The following RAPGEF6 variants were observed in gnomAD, a reference collection of about 807,000 sequenced individuals.
RAPGEF6 encodes PDZ domain containing guanine nucleotide exchange factor (GEF) 2.
Under a neutral mutation model 171.4 loss-of-function variants are expected in RAPGEF6, and 56 were observed. That is an observed-to-expected ratio of 0.33 (90% CI 0.26 to 0.41). The LOEUF (loss-of-function observed/expected upper bound fraction) is 0.41, where lower values mean the gene tolerates loss of function less well. Among genes scored for constraint, RAPGEF6 ranks in the 10% least tolerant of loss-of-function variants. The pLI, the probability that RAPGEF6 is intolerant of heterozygous loss-of-function variation, is 1.00. For missense variants in RAPGEF6, 1,674 were observed against 1,921.4 expected, an observed-to-expected ratio of 0.87 and a Z score of 2.41; for synonymous variants, 692 against 650.1, an observed-to-expected ratio of 1.06 and a Z score of -0.98.
intron 4 of RAPGEF6, among the ~76,000 whole-genome samples, chr5:131,571,335 AAAAG>A (rs1762269151): frequency 6.6e-6 from 1 of 152,210 alleles, no homozygotes; most frequent in African/African-American, 2.4e-5. Flanking sequence ...ACAACAAGGA[AAAAG>A]AAATAAAAGG....
intron 15 of RAPGEF6, among the ~76,000 whole-genome samples, chr5:131,480,912 C>T (rs1436890178): frequency 6.6e-6 from 1 of 151,412 alleles, no homozygotes; most frequent in African/African-American, 2.4e-5. Flanking sequence ...AACAACCAAT[C>T]ATATCTTAGA....
intron 4 of RAPGEF6, among the ~76,000 whole-genome samples, chr5:131,571,143 C>T (rs1216784386): frequency 6.6e-6 from 1 of 151,914 alleles, no homozygotes; most frequent in Admixed American, 6.6e-5. Flanking sequence ...GATTTCACCA[C>T]GTTGGCCAGG....
At chr5:131,480,901 T>C (rs1755430193) in intron 15 of RAPGEF6, among the ~76,000 whole-genome samples, 1 of 151,796 alleles carries the variant, frequency 6.6e-6, no homozygotes, top group African/African-American at 2.4e-5. Context: ...TAAAAACAAG[T>C]AACAACCAAT....
At chr5:131,584,778 T>A (rs886319609) in intron 4 of RAPGEF6, among the ~76,000 whole-genome samples, 1 of 152,146 alleles carries the variant, frequency 6.6e-6, no homozygotes, top group Non-Finnish European at 1.5e-5. Context: ...CACCAAACTA[T>A]CCTTAAAAAA....
At chr5:131,567,937 C>A (rs147685173) in intron 4 of RAPGEF6, among the ~76,000 whole-genome samples, 1 of 152,132 alleles carries the variant, frequency 6.6e-6, no homozygotes, top group East Asian at 1.9e-4. Context: ...TTTAACACTA[C>A]GAAATTTTGC....
rs553378071 is a variant in RAPGEF6 at position 131,480,796 on chromosome 5, A to G, written c.1841-1043T>C. 2.0e-5 allele frequency among the ~76,000 whole-genome samples: 3 copies of G among 149,450 alleles called. No individual in the cohort carries two copies. The South Asian group carries it at 6.4e-4, about 32-fold the overall frequency. On this transcript the variant is annotated intron_variant, in intron 15 of 27. Transcript: ENST00000509018. ...GCCCGGCCTAATTTTGGTAATTTTA[A>G]TTTGGTAATATATATCGATTCCTCA...
At chr5:131,471,573 C>A (rs1322571696) in intron 17 of RAPGEF6, among the ~76,000 whole-genome samples, 6 of 152,226 alleles carry the variant, frequency 3.9e-5, no homozygotes, top group Admixed American at 3.3e-4. Flanking sequence ...TTTCCTTGGA[C>A]CCAATTATAT....
At chr5:131,572,347 T>C (rs1762355804) in intron 4 of RAPGEF6, among the ~76,000 whole-genome samples, 1 of 152,176 alleles carries the variant, frequency 6.6e-6, no homozygotes, top group African/African-American at 2.4e-5. Flanking sequence ...TTTTTCGCTC[T>C]CTACCTAACC....
chr5:131,471,186 A>G (rs556636997), intron 17 of RAPGEF6, among the ~76,000 whole-genome samples: 82 of 152,340 alleles, frequency 5.4e-4, no homozygotes, highest in African/African-American at 1.8e-3. Flanking sequence ...AAATCACTAC[A>G]AATGTCTTAG....
intron 3 of RAPGEF6, among the ~76,000 whole-genome samples, chr5:131,593,482 G>A (rs1338115828): frequency 6.6e-6 from 1 of 152,222 alleles, no homozygotes; most frequent in African/African-American, 2.4e-5. Context: ...CTTTGGAACT[G>A]GGTAACGGGC....
chr5:131,558,773 T>C (rs1164658593), intron 5 of RAPGEF6, among the ~76,000 whole-genome samples: 1 of 152,220 alleles, frequency 6.6e-6, no homozygotes, highest in Non-Finnish European at 1.5e-5. Flanking sequence ...GTTTTTATAA[T>C]TGGTTTTTAA....
chr5:131,527,104 C>T (rs1758921017), intron 6 of RAPGEF6, among the ~76,000 whole-genome samples: 1 of 152,062 alleles, frequency 6.6e-6, no homozygotes, highest in Non-Finnish European at 1.5e-5. Flanking sequence ...CTCAGTTAGA[C>T]TAGATTTTGT....
At chr5:131,435,782 C>T in intron 24 of RAPGEF6, 3 of 1,273,108 alleles carry the variant, frequency 2.4e-6, no homozygotes, top group Non-Finnish European at 3.1e-6. Context: ...AATTTACTAA[C>T]TCAATACATC....
At chr5:131,582,475 A>G (rs891112985) in intron 4 of RAPGEF6, among the ~76,000 whole-genome samples, 2 of 152,214 alleles carry the variant, frequency 1.3e-5, no homozygotes, top group Admixed American at 1.3e-4. Flanking sequence ...AGATCATAGT[A>G]AAAGCTAAAA....
intron 17 of RAPGEF6, among the ~76,000 whole-genome samples, chr5:131,468,369 G>C (rs1044003437): frequency 4.9e-4 from 73 of 150,510 alleles, no homozygotes; most frequent in Middle Eastern, 3.6e-3. Context: ...GGAGGATCAA[G>C]GTTTGTATTT....
At chr5:131,452,199 G>T (rs997538396) in intron 21 of RAPGEF6, among the ~76,000 whole-genome samples, 1 of 138,530 alleles carries the variant, frequency 7.2e-6, no homozygotes, top group African/African-American at 2.8e-5. Context: ...CAGCCTGGGC[G>T]ACAGAGCGAG....
Position 131,523,279 on chromosome 5 carries a change from C to CTTTTTTTTTTTTTT in RAPGEF6, c.496-1772_496-1759dup, listed in dbSNP as rs1171953953. Among the ~76,000 whole-genome samples, 17 of 66,654 alleles carry CTTTTTTTTTTTTTT rather than the reference C, an allele frequency of 2.6e-4. 1 individual carries two copies. Among genetic ancestry groups the CTTTTTTTTTTTTTT allele is most frequent in the African/African-American group, 4.9e-4 (7 of 14,244 alleles). 43.7% of individuals were successfully genotyped at this position (66,654 alleles called of 152,430 possible). On this transcript the variant is annotated intron_variant, in intron 6 of 27. Transcript: ENST00000509018. Reference sequence around the variant, plus strand: ...GGCCACATACAGTTTCTGTTGTATGCTTTTTTTTTTTTTTTTTTTTTTTTT... The same window carrying CTTTTTTTTTTTTTT: ...GGCCACATACAGTTTCTGTTGTATGCTTTTTTTTTTTTTTTTTTTTTTTTTTTTTTTTTTTTTTT...
In RAPGEF6 at chr5:131,495,674, AAAGAGGCAGCATATGGTTAT is replaced by A; in HGVS notation, c.1420-34_1420-15del. 1 of 1,606,126 alleles carries A rather than the reference AAAGAGGCAGCATATGGTTAT, an allele frequency of 6.2e-7. No homozygotes were observed. Among genetic ancestry groups the A allele is most frequent in the Non-Finnish European group, 8.5e-7 (1 of 1,175,560 alleles). On this transcript the variant is annotated splice_polypyrimidine_tract_variant and intron_variant, in intron 12 of 27. Transcript: ENST00000509018. The stretch of plus-strand genomic sequence containing the variant: ...AATCCGTGTCACCTGTGGAAACATA[AAAGAGGCAGCATATGGTTAT>A]AAGAGGCATTCCTTCTGCACAAGTG...
chr5:131,517,197 AC>A (rs1236758111), intron 7 of RAPGEF6, among the ~76,000 whole-genome samples: 1 of 152,004 alleles, frequency 6.6e-6, no homozygotes, highest in Non-Finnish European at 1.5e-5. Flanking sequence ...GATCATTCGA[AC>A]CCCAAACACT....
Sources: gnomAD v4.1 joint callset for allele counts (sites outside exome capture counted in the v4.1 genomes callset) on GRCh38, gnomAD v4.1.1 for gene constraint, MANE v1.5 for transcripts, NCBI Gene and HGNC (gene_info 2026-07-23, HGNC 2026-07-21) for gene names.